Variants in DIO1 observed in about 807,000 individuals in gnomAD.
DIO1 encodes the protein type I iodothyronine deiodinase.
A neutral mutation model predicts 25.9 loss-of-function variants in DIO1; 17 were observed. The observed-to-expected ratio is 0.66, with a 90% CI of 0.45 to 0.98. The LOEUF (loss-of-function observed/expected upper bound fraction) is 0.98, where lower values mean the gene tolerates loss of function less well. Ranked by LOEUF, DIO1 falls within the 50% of genes least tolerant of loss-of-function variation. The pLI, the probability that DIO1 is intolerant of heterozygous loss-of-function variation, is 0.00. For missense variants in DIO1, 270 were observed against 310.4 expected, an observed-to-expected ratio of 0.87 and a Z score of 0.98; for synonymous variants, 115 against 114.0, an observed-to-expected ratio of 1.01 and a Z score of -0.05.
At chr1:53,907,822 A>C (rs1214204746) in intron 3 of DIO1, among the ~76,000 whole-genome samples, 1 of 150,102 alleles carries the variant, frequency 6.7e-6, no homozygotes, top group Non-Finnish European at 1.5e-5. Context: ...GAAGCAGGAG[A>C]ATCGCTTGTA....
chr1:53,909,642 A>G (rs114413427), intron 3 of DIO1, among the ~76,000 whole-genome samples: 2,026 of 152,322 alleles, frequency 0.013, 50 homozygotes, highest in African/African-American at 0.046. Context: ...AGGTCTGATT[A>G]TGGAAGAAAA....
chr1:53,902,545 A>G (rs909902663), intron 1 of DIO1, among the ~76,000 whole-genome samples: 2 of 151,750 alleles, frequency 1.3e-5, no homozygotes, highest in Non-Finnish European at 2.9e-5. Flanking sequence ...TCAGGGGACA[A>G]TGAGTAGGGG....
In DIO1 at chr1:53,907,325, T is replaced by C. The variant is rs564864288; in HGVS notation, c.681+1031T>C. On this transcript the variant is annotated intron_variant, in intron 3 of 3. Coordinates refer to ENST00000361921, the MANE Select transcript of DIO1 (RefSeq NM_000792.7). ...CTCCCTTAAGAAGGTAGAAACTACA[T>C]TTTAAAGCTATTGAAGGGATTTCAA... is the stretch of plus-strand genomic sequence containing the variant. Among the ~76,000 whole-genome samples, 9 of 152,274 alleles carry C rather than the reference T, an allele frequency of 5.9e-5. No homozygotes were observed. In the South Asian group the frequency reaches 1.9e-3, roughly 32 times the overall value.
rs1651871116 is a variant in DIO1, at chr1:53,910,078, T to A, written c.*79T>A. ...AGCTCTCCCTGAGACCCAGCTGGCTTTTACCCTTGACCTGTGTCCCTAGCT... is the reference window on the plus strand; with the variant it reads ...AGCTCTCCCTGAGACCCAGCTGGCTATTACCCTTGACCTGTGTCCCTAGCT... On this transcript the variant is annotated 3_prime_UTR_variant, in exon 4 of 4. Transcript: ENST00000361921. The A allele has an allele frequency of 1.5e-6, 2 of 1,303,394 alleles. No homozygotes were observed. Among genetic ancestry groups the A allele is most frequent in the East Asian group, 4.6e-5 (2 of 43,394 alleles). 80.7% of individuals were successfully genotyped at this position (1,303,394 alleles called of 1,614,324 possible).
chr1:53,899,541 C>CTATAAATAAT (rs1309860384), intron 1 of DIO1, among the ~76,000 whole-genome samples: 16 of 152,214 alleles, frequency 1.1e-4, no homozygotes, highest in African/African-American at 3.9e-4. Context: ...CCCAACCACA[C>CTATAAATAAT]TATAAATAAT....
chr1:53,896,058 T>C (rs751135680), intron 1 of DIO1, among the ~76,000 whole-genome samples: 2 of 152,088 alleles, frequency 1.3e-5, no homozygotes, highest in Non-Finnish European at 2.9e-5. Context: ...CAAGTCTTAT[T>C]TCCCTGCCCA....
At chr1:53,899,504 A>G (rs1486834537) in intron 1 of DIO1, among the ~76,000 whole-genome samples, 1 of 152,132 alleles carries the variant, frequency 6.6e-6, no homozygotes, top group African/African-American at 2.4e-5. Flanking sequence ...CTTAGTTTAA[A>G]CTTTGCCCTC....
intron 1 of DIO1, among the ~76,000 whole-genome samples, chr1:53,903,491 A>G (rs1190165483): frequency 1.3e-5 from 2 of 151,790 alleles, no homozygotes; most frequent in East Asian, 3.9e-4. Flanking sequence ...GGAGTATGAC[A>G]TCAAATAGCA....
In DIO1 at chr1:53,894,836, C is replaced by G. The variant is rs191801694; in HGVS notation, c.337+289C>G. Among the ~76,000 whole-genome samples the G allele has an allele frequency of 2.0e-5, 3 of 152,310 alleles. No homozygotes were observed. The highest frequency in any genetic ancestry group is 4.4e-5 in the Non-Finnish European group (3 of 68,036). ...TCTGCCTGGGCTGCTCTTTGCCCACCTCTCTGCCTGGTTAACTCTTGTTCA... is the reference window on the plus strand; with the variant it reads ...TCTGCCTGGGCTGCTCTTTGCCCACGTCTCTGCCTGGTTAACTCTTGTTCA... On this transcript the variant is annotated intron_variant, in intron 1 of 3. Transcript: ENST00000361921. The surrounding 1 kb of genome is among the most constrained non-coding windows in gnomAD (Gnocchi z 4.9).
chr1:53,909,904 G>C (rs376980582), intron 3 of DIO1, 27 bp from the exon 4 acceptor site: 4 of 1,611,664 alleles, frequency 2.5e-6, no homozygotes, highest in Non-Finnish European at 3.4e-6. Context: ...TTACAAGTTG[G>C]GAATGCCTGA....
intron 3 of DIO1, among the ~76,000 whole-genome samples, chr1:53,908,438 T>A (rs558609052): frequency 5.3e-5 from 8 of 152,300 alleles, no homozygotes; most frequent in African/African-American, 1.9e-4. Flanking sequence ...ATTCTGCTGT[T>A]ATAGCACAAC....
At chr1:53,898,029 C>G (rs949038833) in intron 1 of DIO1, among the ~76,000 whole-genome samples, 1 of 152,142 alleles carries the variant, frequency 6.6e-6, no homozygotes, top group African/African-American at 2.4e-5. Context: ...CCCTGGAAGG[C>G]CTCATAACTC....
chr1:53,910,745 C>T lies in DIO1; in HGVS notation c.*746C>T, dbSNP rs1449012002. The T allele has an allele frequency of 6.6e-6, 1 of 152,300 alleles. No homozygotes were observed. Among genetic ancestry groups the T allele is most frequent in the African/African-American group, 2.4e-5 (1 of 41,452 alleles). 9.4% of individuals were successfully genotyped at this position (152,300 alleles called of 1,614,324 possible). A position where few individuals can be genotyped will look rare whatever the true frequency, so the allele number is the denominator to read the frequency against. On this transcript the variant is annotated 3_prime_UTR_variant, in exon 4 of 4. Coordinates refer to ENST00000361921, the MANE Select transcript of DIO1 (RefSeq NM_000792.7). ...ACCCTGAAATCTTCCACTAGCCTCA[C>T]TTTTCAACAGAGTCATCTAGAAGGG...
At chr1:53,904,518 G>C (rs1651538747) in intron 1 of DIO1, 148 bp from the exon 2 acceptor site, 7 of 859,954 alleles carry the variant, frequency 8.1e-6, no homozygotes, top group African/African-American at 1.7e-5. Flanking sequence ...ATGCTCTCTA[G>C]GTGTCGGACC....
At chr1:53,895,054 G>T (rs1218003828) in intron 1 of DIO1, among the ~76,000 whole-genome samples, 2 of 152,166 alleles carry the variant, frequency 1.3e-5, no homozygotes, top group Non-Finnish European at 2.9e-5. Context: ...CTCAATGCAG[G>T]TCGAGACCAT....
chr1:53,899,427 A>T (rs1651244807), intron 1 of DIO1, among the ~76,000 whole-genome samples: 1 of 152,192 alleles, frequency 6.6e-6, no homozygotes. Flanking sequence ...TGGTCTGTGG[A>T]CATGGGCAGG....
At chr1:53,908,153 CG>C (rs1399748391) in intron 3 of DIO1, among the ~76,000 whole-genome samples, 5 of 151,534 alleles carry the variant, frequency 3.3e-5, no homozygotes, top group African/African-American at 1.2e-4. Context: ...ACCCGGGAGG[CG>C]GAGGTTGCAG....
chr1:53,897,356 A>G (rs1362845724), intron 1 of DIO1, among the ~76,000 whole-genome samples: 1 of 152,084 alleles, frequency 6.6e-6, no homozygotes, highest in Non-Finnish European at 1.5e-5. Context: ...TGCACCTATA[A>G]TCCCAGCTAC....
intron 2 of DIO1, 191 bp downstream of exon 2, chr1:53,905,000 C>T: frequency 1.8e-6 from 1 of 558,262 alleles, no homozygotes; most frequent in Non-Finnish European, 3.1e-6. Flanking sequence ...TGCTTTCAAC[C>T]AGGGTACAGA....
Sources: allele counts gnomAD v4.1 joint callset (sites outside exome capture counted in the v4.1 genomes callset), GRCh38; gene constraint gnomAD v4.1.1; non-coding constraint Gnocchi (gnomAD v3.1); transcripts MANE v1.5; gene names NCBI Gene and HGNC (gene_info 2026-07-23, HGNC 2026-07-21).